FRS2: variants seen among roughly 807,000 people sequenced by gnomAD.
FRS2 encodes FGFR signalling adaptor.
Under a neutral mutation model 43.9 loss-of-function variants are expected in FRS2, and 8 were observed. That is an observed-to-expected ratio of 0.18 (90% CI 0.11 to 0.33). FRS2 has a LOEUF of 0.33. FRS2 is among the 10% of genes least tolerant of loss of function. The pLI is 1.00. For synonymous variants in FRS2, 219 were observed against 220.3 expected (o/e 0.99, Z 0.05); for missense variants, 534 against 627.6 (o/e 0.85, Z 1.59).
intron 1 of FRS2, among the ~76,000 whole-genome samples, chr12:69,477,480 C>T (rs1870920001): frequency 6.6e-6 from 1 of 151,002 alleles, no homozygotes; most frequent in Non-Finnish European, 1.5e-5. Flanking sequence ...AACGGGGTTT[C>T]ACCGTGTTAG....
At chr12:69,489,002 G>T (rs1272655867) in intron 1 of FRS2, among the ~76,000 whole-genome samples, 2 of 152,176 alleles carry the variant, frequency 1.3e-5, no homozygotes, top group Admixed American at 1.3e-4. Flanking sequence ...TGATACAGTA[G>T]AAGTCTGTTA....
intron 1 of FRS2, among the ~76,000 whole-genome samples, chr12:69,506,762 T>C (rs1422322799): frequency 6.6e-6 from 1 of 152,240 alleles, no homozygotes; most frequent in Non-Finnish European, 1.5e-5. Flanking sequence ...GGCAGCCTTC[T>C]ATGGTTTGAA....
intron 1 of FRS2, among the ~76,000 whole-genome samples, chr12:69,525,238 G>GTT (rs1876097583): frequency 2.0e-5 from 3 of 151,180 alleles, no homozygotes; most frequent in African/African-American, 7.3e-5. Context: ...TCATGGCCTA[G>GTT]AATGTGTGTA....
intron 1 of FRS2, among the ~76,000 whole-genome samples, chr12:69,513,084 G>A (rs1874617645): frequency 6.6e-6 from 1 of 151,536 alleles, no homozygotes; most frequent in Non-Finnish European, 1.5e-5. Context: ...TCTAATGCAT[G>A]AGCATGAACC....
intron 1 of FRS2, among the ~76,000 whole-genome samples, chr12:69,504,861 T>C (rs934798909): frequency 6.6e-6 from 1 of 152,306 alleles, no homozygotes; most frequent in South Asian, 2.1e-4. Flanking sequence ...CAGGGTCTCA[T>C]TCTGTCACCT....
At chr12:69,530,124 TA>T (rs1876644516) in intron 1 of FRS2, among the ~76,000 whole-genome samples, 1 of 152,074 alleles carries the variant, frequency 6.6e-6, no homozygotes, top group Non-Finnish European at 1.5e-5. Flanking sequence ...ATTGTAGTTA[TA>T]GGGGGAAAGT....
chr12:69,524,998 T>G (rs377118234), intron 1 of FRS2, among the ~76,000 whole-genome samples: 1 of 152,066 alleles, frequency 6.6e-6, no homozygotes, highest in African/African-American at 2.4e-5. Context: ...ATGCCCTGTA[T>G]CTTTCTTCCC....
rs961567732 is a variant in FRS2 at position 69,578,410 on chromosome 12, T to C, written c.*3455T>C. On this transcript the variant is annotated 3_prime_UTR_variant, in exon 9 of 9. Coordinates refer to ENST00000549921, the MANE Select transcript of FRS2 (RefSeq NM_001278356.2). ...AGAAAATGTTTTTGGCTTGAAAAAT[T>C]AACATATTTTATGACGTACCACAGT... 2.0e-5 allele frequency: 3 copies of C among 152,522 alleles called. No individual in the cohort carries two copies. Among genetic ancestry groups the C allele is most frequent in the African/African-American group, 7.2e-5 (3 of 41,428 alleles). 9.4% of individuals were successfully genotyped at this position (152,522 alleles called of 1,614,324 possible). A position where few individuals can be genotyped will look rare whatever the true frequency, so the allele number is the denominator to read the frequency against.
intron 1 of FRS2, among the ~76,000 whole-genome samples, chr12:69,504,250 A>T (rs111916733): frequency 6.6e-6 from 1 of 152,150 alleles, no homozygotes; most frequent in African/African-American, 2.4e-5. Context: ...CTGTAATCCC[A>T]GCTATTCGGG....
At chr12:69,492,663 A>G (rs772174041) in intron 1 of FRS2, among the ~76,000 whole-genome samples, 2 of 152,158 alleles carry the variant, frequency 1.3e-5, no homozygotes, top group South Asian at 2.1e-4. Flanking sequence ...TTGGCTCCAT[A>G]TGGATTTTTT....
chr12:69,489,738 A>G (rs939830783), intron 1 of FRS2, among the ~76,000 whole-genome samples: 2 of 151,338 alleles, frequency 1.3e-5, no homozygotes, highest in African/African-American at 2.4e-5. Flanking sequence ...GTAATTGTCA[A>G]GATATGTAAA....
intron 1 of FRS2, among the ~76,000 whole-genome samples, chr12:69,528,996 A>C (rs1876529295): frequency 6.6e-6 from 1 of 152,218 alleles, no homozygotes; most frequent in East Asian, 1.9e-4. Context: ...GTGGTAGATG[A>C]GGTAAGAGAG....
intron 3 of FRS2, among the ~76,000 whole-genome samples, chr12:69,561,613 G>C (rs1168618169): frequency 6.6e-6 from 1 of 152,126 alleles, no homozygotes; most frequent in Non-Finnish European, 1.5e-5. Context: ...TAATGTCACT[G>C]TTCTGTGATT....
chr12:69,569,771 G>T (rs552600630), intron 5 of FRS2, among the ~76,000 whole-genome samples: 32 of 152,202 alleles, frequency 2.1e-4, no homozygotes, highest in Non-Finnish European at 4.1e-4. Context: ...CAGGGGAATA[G>T]TAACTTCTCC....
chr12:69,504,151 G>A (rs1033013442), intron 1 of FRS2, among the ~76,000 whole-genome samples: 6 of 152,264 alleles, frequency 3.9e-5, no homozygotes, highest in Admixed American at 3.9e-4. Context: ...CTTTCATTCC[G>A]ATGAGTGAGA....
At chr12:69,507,915 T>C (rs1418846031) in intron 1 of FRS2, among the ~76,000 whole-genome samples, 2 of 149,670 alleles carry the variant, frequency 1.3e-5, no homozygotes, top group African/African-American at 4.9e-5. Flanking sequence ...TCCCAGCTAC[T>C]CAGGAGGCTG....
At chr12:69,546,717 TAGAA>T (rs960408805) in intron 3 of FRS2, among the ~76,000 whole-genome samples, 42 of 152,214 alleles carry the variant, frequency 2.8e-4, no homozygotes, top group African/African-American at 9.6e-4. Flanking sequence ...TTTTAAAAAA[TAGAA>T]AGTAACAAAT....
chr12:69,505,333 G>A (rs1313004411), intron 1 of FRS2, among the ~76,000 whole-genome samples: 2 of 152,158 alleles, frequency 1.3e-5, no homozygotes, highest in Non-Finnish European at 2.9e-5. Context: ...TACAGTGGTG[G>A]AATAGTAGGA....
chr12:69,482,696 T>C (rs1871451048), intron 1 of FRS2, among the ~76,000 whole-genome samples: 1 of 152,246 alleles, frequency 6.6e-6, no homozygotes, highest in Admixed American at 6.5e-5. Context: ...ATCATTTATA[T>C]CTGTTGAAAC....
Sources: gnomAD v4.1 joint callset for allele counts (sites outside exome capture counted in the v4.1 genomes callset) on GRCh38, gnomAD v4.1.1 for gene constraint, MANE v1.5 for transcripts, NCBI Gene and HGNC (gene_info 2026-07-23, HGNC 2026-07-21) for gene names.